The following MYO5A variants were observed in gnomAD, a reference collection of about 807,000 sequenced individuals.
MYO5A encodes the protein myosin VA.
A neutral mutation model predicts 249.7 loss-of-function variants in MYO5A; 98 were observed. The ratio of observed to expected loss-of-function variants is 0.39; its 90% CI spans 0.33 to 0.46. The LOEUF (loss-of-function observed/expected upper bound fraction) is 0.46, where lower values mean the gene tolerates loss of function less well. MYO5A is among the 20% of genes least tolerant of loss of function. The pLI is 0.98. For missense variants in MYO5A, 1,696 were observed against 2,308.8 expected, an observed-to-expected ratio of 0.73 and a Z score of 5.44; for synonymous variants, 778 against 810.6, an observed-to-expected ratio of 0.96 and a Z score of 0.68.
At chr15:52,420,893 G>A (rs1326307233) in intron 4 of MYO5A, among the ~76,000 whole-genome samples, 1 of 152,138 alleles carries the variant, frequency 6.6e-6, no homozygotes, top group Non-Finnish European at 1.5e-5. Context: ...GAGTCTCAAA[G>A]CTGGATTCAA....
intron 1 of MYO5A, among the ~76,000 whole-genome samples, chr15:52,491,772 C>T (rs1224308432): frequency 6.6e-6 from 1 of 152,120 alleles, no homozygotes; most frequent in Non-Finnish European, 1.5e-5. Context: ...AACTCATACA[C>T]GAAGCATCTA....
chr15:52,499,917 T>C (rs1043308080), intron 1 of MYO5A, among the ~76,000 whole-genome samples: 3 of 152,066 alleles, frequency 2.0e-5, no homozygotes, highest in African/African-American at 7.2e-5. Context: ...GCACAGTAGG[T>C]CACACCTGTA....
chr15:52,350,291 T>C (rs1383856829), intron 28 of MYO5A, among the ~76,000 whole-genome samples: 1 of 152,228 alleles, frequency 6.6e-6, no homozygotes, highest in African/African-American at 2.4e-5. Flanking sequence ...ATTACAGGAA[T>C]TTTATTCCCC....
intron 4 of MYO5A, among the ~76,000 whole-genome samples, chr15:52,420,543 A>G (rs1371468857): frequency 1.4e-4 from 22 of 152,062 alleles, no homozygotes; most frequent in Non-Finnish European, 1.5e-5. Flanking sequence ...TCTTTCTTGC[A>G]TCCACAACAA....
At chr15:52,504,886 CTCA>C (rs1368734442) in intron 1 of MYO5A, among the ~76,000 whole-genome samples, 1 of 141,074 alleles carries the variant, frequency 7.1e-6, no homozygotes, top group Non-Finnish European at 1.6e-5. Context: ...GAGACTCCAT[CTCA>C]AAAAAAAAAA....
At chr15:52,410,896 C>A (rs146087591) in intron 5 of MYO5A, among the ~76,000 whole-genome samples, 43 of 152,306 alleles carry the variant, frequency 2.8e-4, no homozygotes, top group African/African-American at 9.9e-4. Context: ...CTTTTAAGAA[C>A]AGAACCACTT....
intron 9 of MYO5A, among the ~76,000 whole-genome samples, chr15:52,398,986 C>T (rs558429825): frequency 7.3e-6 from 1 of 136,436 alleles, no homozygotes; most frequent in East Asian, 2.1e-4. Flanking sequence ...GAGACTCCGT[C>T]TCAAAAAAAA....
chr15:52,417,873 G>A (rs1049339502), intron 4 of MYO5A, among the ~76,000 whole-genome samples: 2 of 152,144 alleles, frequency 1.3e-5, no homozygotes, highest in Non-Finnish European at 1.5e-5. Flanking sequence ...AAATCACCCA[G>A]TCTGTGGTAT....
intron 25 of MYO5A, among the ~76,000 whole-genome samples, chr15:52,358,562 C>T (rs2040362682): frequency 1.3e-5 from 2 of 152,148 alleles, no homozygotes; most frequent in South Asian, 2.1e-4. Flanking sequence ...AGAACTAACA[C>T]TGGGCCAGTT....
rs1454806605 is a variant in MYO5A at position 52,410,321 on chromosome 15, T to C, written c.756+12A>G. ...TCTAACACAAGTGCATATGTGTATATGGCCAGCTTACCTGGAATACCACTC... is the reference window on the plus strand; with the variant it reads ...TCTAACACAAGTGCATATGTGTATACGGCCAGCTTACCTGGAATACCACTC... On this transcript the variant is annotated intron_variant, in intron 6 of 41. Transcript: ENST00000399233. 3.1e-6 allele frequency: 5 copies of C among 1,611,928 alleles called. No homozygotes were observed. Among genetic ancestry groups the C allele is most frequent in the Admixed American group, 3.3e-5 (2 of 59,996 alleles).
chr15:52,366,127 T>G (rs1437555658), intron 23 of MYO5A, among the ~76,000 whole-genome samples: 1 of 152,152 alleles, frequency 6.6e-6, no homozygotes, highest in Non-Finnish European at 1.5e-5. Context: ...TCTTATTTTT[T>G]CTCTACTCTT....
intron 1 of MYO5A, among the ~76,000 whole-genome samples, chr15:52,468,128 T>C (rs1166386621): frequency 6.6e-6 from 1 of 152,082 alleles, no homozygotes; most frequent in Non-Finnish European, 1.5e-5. Flanking sequence ...GGCATGAGGA[T>C]TGCTTGAGCC....
At chr15:52,355,240 C>T (rs1209139133) in intron 25 of MYO5A, among the ~76,000 whole-genome samples, 1 of 152,154 alleles carries the variant, frequency 6.6e-6, no homozygotes, top group East Asian at 1.9e-4. Flanking sequence ...TACAGTCAGC[C>T]CTCCATATCC....
intron 40 of MYO5A, among the ~76,000 whole-genome samples, chr15:52,314,731 A>T (rs529754031): frequency 3.8e-4 from 58 of 152,356 alleles, no homozygotes; most frequent in Non-Finnish European, 3.1e-4. Context: ...AAAAGCCCCT[A>T]AAGAAATTAA....
At chr15:52,407,216 A>G (rs1216643047) in intron 8 of MYO5A, 76 bp downstream of exon 8, 9 of 1,051,044 alleles carry the variant, frequency 8.6e-6, no homozygotes, top group Non-Finnish European at 1.2e-5. Context: ...TAAAAAGTCA[A>G]GCCAATATTC....
At chr15:52,507,193 T>C (rs1016947618) in intron 1 of MYO5A, among the ~76,000 whole-genome samples, 1 of 152,216 alleles carries the variant, frequency 6.6e-6, no homozygotes, top group East Asian at 1.9e-4. Context: ...GAACTGACTT[T>C]AGGATTCAAG....
At chr15:52,482,480 T>C (rs1185115822) in intron 1 of MYO5A, among the ~76,000 whole-genome samples, 1 of 152,132 alleles carries the variant, frequency 6.6e-6, no homozygotes, top group Non-Finnish European at 1.5e-5. Context: ...CACACAGGAA[T>C]CCTGGGCCAG....
At position 52,384,844 on chromosome 15, in the gene MYO5A, C is replaced by T. The variant is rs184811983; in HGVS notation, c.1753-522G>A. Among the ~76,000 whole-genome samples the T allele has an allele frequency of 5.9e-5, 9 of 152,200 alleles. No individual in the cohort carries two copies. In the East Asian group the frequency reaches 1.7e-3, roughly 29 times the overall value. On this transcript the variant is annotated intron_variant, in intron 14 of 41. Transcript: ENST00000399233. ...ACCGAAAATCTCAGCAGGAAAGGGT[C>T]ATAAACAAATTCTACAATATTAGAA...
chr15:52,467,410 C>G (rs2076374451), intron 1 of MYO5A, among the ~76,000 whole-genome samples: 1 of 151,974 alleles, frequency 6.6e-6, no homozygotes, highest in Non-Finnish European at 1.5e-5. Flanking sequence ...CAAAAATAGA[C>G]TAGACTAAGC....
Sources: allele counts gnomAD v4.1 joint callset (sites outside exome capture counted in the v4.1 genomes callset), GRCh38; gene constraint gnomAD v4.1.1; transcripts MANE v1.5; gene names NCBI Gene and HGNC (gene_info 2026-07-23, HGNC 2026-07-21).